The following KPNA4 variants were observed in gnomAD, a reference collection of about 807,000 sequenced individuals.
KPNA4 encodes the protein karyopherin subunit alpha 4, also known as importin subunit alpha-3.
A neutral mutation model predicts 71.3 loss-of-function variants in KPNA4; 13 were observed. The observed-to-expected ratio is 0.18, with a 90% CI of 0.12 to 0.29. The LOEUF (loss-of-function observed/expected upper bound fraction) is 0.29, where lower values mean the gene tolerates loss of function less well. Among genes scored for constraint, KPNA4 ranks in the 10% least tolerant of loss-of-function variants. KPNA4 has a pLI of 1.00. For synonymous variants in KPNA4, 189 were observed against 195.2 expected (o/e 0.97, Z 0.26); for missense variants, 334 against 603.2 (o/e 0.55, Z 4.67).
At chr3:160,554,005 T>C (rs530443790) in intron 1 of KPNA4, among the ~76,000 whole-genome samples, 11 of 152,352 alleles carry the variant, frequency 7.2e-5, no homozygotes, top group African/African-American at 2.6e-4. Flanking sequence ...GAACTCAGCC[T>C]GCATTATGTA....
chr3:160,531,860 TTGGC>T (rs1197479369), intron 5 of KPNA4, among the ~76,000 whole-genome samples: 1 of 152,234 alleles, frequency 6.6e-6, no homozygotes, highest in Non-Finnish European at 1.5e-5. Flanking sequence ...TGGCACAGTC[TTGGC>T]TCACTGCAAG....
intron 1 of KPNA4, among the ~76,000 whole-genome samples, chr3:160,548,650 TA>T (rs2108558545): frequency 6.6e-6 from 1 of 152,306 alleles, no homozygotes; most frequent in African/African-American, 2.4e-5. Flanking sequence ...TAAGTCTAAA[TA>T]ATATTCCACT....
chr3:160,519,311 AAGG>A (rs1162752556), intron 11 of KPNA4, among the ~76,000 whole-genome samples: 3 of 152,344 alleles, frequency 2.0e-5, no homozygotes, highest in South Asian at 2.1e-4. Context: ...AGATAAAAGA[AAGG>A]AGAAGAAAGT....
chr3:160,565,146 C>A (rs1421226128), intron 1 of KPNA4, 68 bp downstream of exon 1: 1 of 1,352,210 alleles, frequency 7.4e-7, no homozygotes, highest in Admixed American at 1.9e-5. Flanking sequence ...TCCCCACACT[C>A]GGGGTCCCGG....
chr3:160,553,207 G>A (rs997886290), intron 1 of KPNA4, among the ~76,000 whole-genome samples: 4 of 152,088 alleles, frequency 2.6e-5, no homozygotes, highest in South Asian at 2.1e-4. Context: ...CTTTCCGGGG[G>A]TGCTCCTGAA....
At chr3:160,556,805 A>C (rs1722146472) in intron 1 of KPNA4, among the ~76,000 whole-genome samples, 1 of 152,258 alleles carries the variant, frequency 6.6e-6, no homozygotes, top group African/African-American at 2.4e-5. Context: ...CACAACATTA[A>C]GAGAAAAAAC....
intron 1 of KPNA4, among the ~76,000 whole-genome samples, chr3:160,543,786 TTGG>T (rs1269055994): frequency 1.3e-5 from 2 of 152,180 alleles, no homozygotes; most frequent in African/African-American, 4.8e-5. Context: ...GTACAGTTGC[TTGG>T]TGTTTTCATA....
Position 160,496,848 on chromosome 3 carries a change from G to A in KPNA4, c.*5256C>T, listed in dbSNP as rs531273335. On this transcript the variant is annotated 3_prime_UTR_variant, in exon 17 of 17. Transcript: ENST00000334256. ...GTCAACTGCTCTTACACCCAGAGCA[G>A]TAGCTGTCAAGTCAATTTTATTGAA... The A allele has an allele frequency of 6.6e-6, 1 of 152,154 alleles. No individual in the cohort carries two copies. The highest frequency in any genetic ancestry group is 1.5e-5 in the Non-Finnish European group (1 of 68,034). The allele number at this position is 152,154 out of a possible 1,614,324, so 9.4% of individuals were successfully genotyped here. A position where few individuals can be genotyped will look rare whatever the true frequency, so the allele number is the denominator to read the frequency against.
At chr3:160,547,173 TTAA>T (rs768892325) in intron 1 of KPNA4, among the ~76,000 whole-genome samples, 3 of 152,242 alleles carry the variant, frequency 2.0e-5, no homozygotes, top group Non-Finnish European at 2.9e-5. Context: ...ATCCAATGTA[TTAA>T]TGTTATCTTG....
intron 11 of KPNA4, among the ~76,000 whole-genome samples, chr3:160,520,541 G>A (rs1049194909): frequency 6.6e-6 from 1 of 151,906 alleles, no homozygotes; most frequent in Non-Finnish European, 1.5e-5. Flanking sequence ...GATTTCAGGC[G>A]TGAGCCACCA....
At chr3:160,513,077 C>T (rs1360578208) in intron 13 of KPNA4, among the ~76,000 whole-genome samples, 1 of 152,112 alleles carries the variant, frequency 6.6e-6, no homozygotes, top group Non-Finnish European at 1.5e-5. Flanking sequence ...ACATGTAAGA[C>T]AGACTGTGTC....
intron 11 of KPNA4, among the ~76,000 whole-genome samples, chr3:160,515,995 A>G (rs527432334): frequency 1.3e-5 from 2 of 150,984 alleles, no homozygotes; most frequent in South Asian, 4.2e-4. Flanking sequence ...CAACAAACCT[A>G]TTCTTTTTTG....
At chr3:160,506,011 A>C (rs1363852744) in intron 15 of KPNA4, among the ~76,000 whole-genome samples, 1 of 152,140 alleles carries the variant, frequency 6.6e-6, no homozygotes, top group African/African-American at 2.4e-5. Flanking sequence ...AATAGCTTGA[A>C]ATTTAAGAGA....
intron 5 of KPNA4, among the ~76,000 whole-genome samples, chr3:160,534,776 A>G (rs550599217): frequency 6.6e-6 from 1 of 150,556 alleles, no homozygotes. Context: ...CTGGAAAGAC[A>G]CTGGGAGTGT....
chr3:160,500,392 TA>T lies in KPNA4; in HGVS notation c.*1711del, dbSNP rs754110104. Reference sequence around the variant, plus strand: ...TGTTTCAGAATTACCAGTTGATTTTTAAACACAAAGTAGATATAGATGCTAA... The same window carrying T: ...TGTTTCAGAATTACCAGTTGATTTTTAACACAAAGTAGATATAGATGCTAA... On this transcript the variant is annotated 3_prime_UTR_variant, in exon 17 of 17. Transcript: ENST00000334256. 2 of 152,654 alleles carry T rather than the reference TA, an allele frequency of 1.3e-5. No homozygotes were observed. The highest frequency in any genetic ancestry group is 2.4e-5 in the African/African-American group (1 of 41,472). 9.5% of individuals were successfully genotyped at this position (152,654 alleles called of 1,614,324 possible). A position where few individuals can be genotyped will look rare whatever the true frequency, so the allele number is the denominator to read the frequency against.
chr3:160,549,182 T>C lies in KPNA4; in HGVS notation c.70-12342A>G, dbSNP rs551733880. On this transcript the variant is annotated intron_variant, in intron 1 of 16. Coordinates refer to ENST00000334256, the MANE Select transcript of KPNA4 (RefSeq NM_002268.5). ...TTAGGAGTTCTTTATATATTCTGGA[T>C]ACTAATCCTTTATCAGATACATCAT... 3.9e-5 allele frequency among the ~76,000 whole-genome samples: 6 copies of C among 152,354 alleles called. No individual in the cohort carries two copies. The South Asian group carries it at 1.2e-3, about 32-fold the overall frequency.
rs1720771827 is a variant in KPNA4 at position 160,496,710 on chromosome 3, T to C, written c.*5394A>G. 1 of 152,122 alleles carries C rather than the reference T, an allele frequency of 6.6e-6. No homozygotes were observed. The highest frequency in any genetic ancestry group is 2.1e-4 in the South Asian group (1 of 4,828). 9.4% of individuals were successfully genotyped at this position (152,122 alleles called of 1,614,324 possible). A position where few individuals can be genotyped will look rare whatever the true frequency, so the allele number is the denominator to read the frequency against. On this transcript the variant is annotated 3_prime_UTR_variant, in exon 17 of 17. Coordinates refer to ENST00000334256, the MANE Select transcript of KPNA4 (RefSeq NM_002268.5). Reference sequence around the variant, plus strand: ...TAGGCAGCTACAAAAGGTATAAAATTTGTGGAGAAGGCAAAAATTGGGGCA... The same window carrying C: ...TAGGCAGCTACAAAAGGTATAAAATCTGTGGAGAAGGCAAAAATTGGGGCA...
chr3:160,526,348 ACTG>A (rs755275393), intron 8 of KPNA4, among the ~76,000 whole-genome samples: 5 of 152,176 alleles, frequency 3.3e-5, no homozygotes, highest in African/African-American at 7.2e-5. Context: ...ACTTAATTAA[ACTG>A]CTGCTTTTAA....
At chr3:160,519,444 C>T (rs953657389) in intron 11 of KPNA4, among the ~76,000 whole-genome samples, 10 of 152,114 alleles carry the variant, frequency 6.6e-5, no homozygotes, top group Non-Finnish European at 1.5e-4. Flanking sequence ...CAGATACTGA[C>T]TGAATATTTA....
Sources: allele counts gnomAD v4.1 joint callset (sites outside exome capture counted in the v4.1 genomes callset), GRCh38; gene constraint gnomAD v4.1.1; transcripts MANE v1.5; gene names NCBI Gene and HGNC (gene_info 2026-07-23, HGNC 2026-07-21).